LPP: variants seen among roughly 807,000 people sequenced by gnomAD.
LPP encodes LIM domain containing preferred translocation partner in lipoma.
LPP carries 38 observed loss-of-function variants against 60.4 expected under a neutral mutation model. The ratio of observed to expected loss-of-function variants is 0.63; its 90% confidence interval spans 0.49 to 0.83. LPP has a LOEUF of 0.83. LPP is among the 40% of genes least tolerant of loss of function. The probability of loss-of-function intolerance (pLI) is 0.00; values close to 1 mark genes in which losing one functional copy is unlikely to be tolerated. For missense variants in LPP, 902 were observed against 783.6 expected (o/e 1.15, Z -1.80); for synonymous variants, 328 against 290.8 (o/e 1.13, Z -1.30).
At chr3:188,544,422 T>C (rs529091546) in intron 6 of LPP, among the ~76,000 whole-genome samples, 1 of 152,338 alleles carries the variant, frequency 6.6e-6, no homozygotes, top group Non-Finnish European at 1.5e-5. Flanking sequence ...TAACTTTTCT[T>C]TATGAAAATT....
At position 188,876,653 on chromosome 3, in the gene LPP, T is replaced by G. The variant is rs1436411167; in HGVS notation, c.*2174T>G. ...CTTAGTAACTTTTTATGTAATACTT[T>G]CGGAGAAATTCTCTTTAGGACAAAG... On this transcript the variant is annotated 3_prime_UTR_variant, in exon 12 of 12. Transcript: ENST00000617246. 5.1e-6 allele frequency: 1 copy of G among 195,352 alleles called. No homozygotes were observed. The highest frequency in any genetic ancestry group is 1.1e-5 in the Non-Finnish European group (1 of 94,070). 12.1% of individuals were successfully genotyped at this position (195,352 alleles called of 1,614,324 possible). A position where few individuals can be genotyped will look rare whatever the true frequency, so the allele number is the denominator to read the frequency against.
intron 1 of LPP, among the ~76,000 whole-genome samples, chr3:188,165,878 T>G (rs1719789576): frequency 6.6e-6 from 1 of 152,164 alleles, no homozygotes; most frequent in Non-Finnish European, 1.5e-5. Flanking sequence ...GGTCCCAGCG[T>G]AACACTGAGG....
At chr3:188,776,786 T>G (rs1448845335) in intron 9 of LPP, among the ~76,000 whole-genome samples, 1 of 152,190 alleles carries the variant, frequency 6.6e-6, no homozygotes, top group Non-Finnish European at 1.5e-5. Context: ...TGGAAGAAAC[T>G]GAAGATTCTC....
chr3:188,669,891 G>A (rs1357017159), intron 7 of LPP, among the ~76,000 whole-genome samples: 1 of 152,186 alleles, frequency 6.6e-6, no homozygotes, highest in East Asian at 1.9e-4. Flanking sequence ...AAGAAAATGT[G>A]GCAAATATAC....
chr3:188,215,778 A>G (rs1476226185), intron 1 of LPP, among the ~76,000 whole-genome samples: 1 of 152,228 alleles, frequency 6.6e-6, no homozygotes, highest in African/African-American at 2.4e-5. Flanking sequence ...AGTGGAGACT[A>G]ATTTTACCTA....
At chr3:188,824,129 G>T (rs972777323) in intron 9 of LPP, among the ~76,000 whole-genome samples, 3 of 152,162 alleles carry the variant, frequency 2.0e-5, no homozygotes, top group Admixed American at 6.5e-5. Context: ...TATACTAGTA[G>T]TGTGATTTTA....
At chr3:188,517,860 A>G (rs1017925298) in intron 5 of LPP, among the ~76,000 whole-genome samples, 3 of 152,138 alleles carry the variant, frequency 2.0e-5, no homozygotes, top group Non-Finnish European at 4.4e-5. Flanking sequence ...TTGGATAGGG[A>G]CACAGAGCAA....
intron 7 of LPP, among the ~76,000 whole-genome samples, chr3:188,701,075 A>G (rs191829896): frequency 3.3e-5 from 5 of 152,362 alleles, no homozygotes; most frequent in African/African-American, 9.6e-5. Context: ...ATGGGTTTCT[A>G]TGTAAATGTA....
chr3:188,619,995 C>T (rs2151537016), intron 7 of LPP, among the ~76,000 whole-genome samples: 1 of 152,200 alleles, frequency 6.6e-6, no homozygotes, highest in Middle Eastern at 3.4e-3. Context: ...AGAAGTTTGA[C>T]CATTCTTCCA....
rs1337214093 is a variant in LPP at position 188,330,855 on chromosome 3, GTAAGTAAA to G, written c.-66-10804_-66-10797del. Among the ~76,000 whole-genome samples, 667 of 117,256 alleles carry G rather than the reference GTAAGTAAA, an allele frequency of 5.7e-3. 2 individuals carry two copies. Among genetic ancestry groups the G allele is most frequent in the Non-Finnish European group, 7.7e-3 (444 of 57,816 alleles). 76.9% of individuals were successfully genotyped at this position (117,256 alleles called of 152,430 possible). On this transcript the variant is annotated intron_variant, in intron 2 of 11. Transcript: ENST00000617246. The stretch of plus-strand genomic sequence containing the variant: ...AGTCAGTCAGTAAGTAAGTAAGTAA[GTAAGTAAA>G]TAAATAAATAAATAAATAAATAAAT...
chr3:188,490,982 C>T (rs529529822), intron 5 of LPP, among the ~76,000 whole-genome samples: 53 of 151,740 alleles, frequency 3.5e-4, no homozygotes, highest in Non-Finnish European at 6.3e-4. Context: ...AGGATGGTCT[C>T]GATCTCCTGA....
chr3:188,797,352 A>G (rs1331327857), intron 9 of LPP, among the ~76,000 whole-genome samples: 2 of 152,172 alleles, frequency 1.3e-5, no homozygotes, highest in African/African-American at 2.4e-5. Context: ...ACACAAGAGG[A>G]CTGGGATATG....
chr3:188,758,221 C>T (rs972884069), intron 8 of LPP, among the ~76,000 whole-genome samples: 3 of 152,072 alleles, frequency 2.0e-5, no homozygotes, highest in Admixed American at 1.3e-4. Flanking sequence ...AGTGCAGTGG[C>T]GCCATCTCAG....
At chr3:188,820,285 TTGTG>T (rs1220066238) in intron 9 of LPP, among the ~76,000 whole-genome samples, 1 of 151,036 alleles carries the variant, frequency 6.6e-6, no homozygotes, top group African/African-American at 2.4e-5. Context: ...GTGTGTGTGT[TTGTG>T]TGTGTATGTG....
intron 6 of LPP, among the ~76,000 whole-genome samples, chr3:188,587,502 G>T (rs938163287): frequency 1.3e-5 from 2 of 152,104 alleles, no homozygotes; most frequent in Non-Finnish European, 1.5e-5. Flanking sequence ...AATTCTATCA[G>T]CATAATGCAT....
chr3:188,815,593 GA>G (rs1465126535), intron 9 of LPP, among the ~76,000 whole-genome samples: 6 of 151,800 alleles, frequency 4.0e-5, no homozygotes, highest in Non-Finnish European at 8.8e-5. Context: ...GCTTAGGCAA[GA>G]ACTCCACAAT....
intron 1 of LPP, among the ~76,000 whole-genome samples, chr3:188,215,588 T>A (rs1301529977): frequency 6.6e-6 from 1 of 152,224 alleles, no homozygotes; most frequent in Admixed American, 6.5e-5. Flanking sequence ...GGTTCATCCA[T>A]GTTGTAGCAT....
At chr3:188,327,336 A>T (rs748055450) in intron 2 of LPP, among the ~76,000 whole-genome samples, 34 of 152,104 alleles carry the variant, frequency 2.2e-4, no homozygotes, top group Non-Finnish European at 3.2e-4. Context: ...TTGGTAAGAG[A>T]TATCTTAGTT....
chr3:188,435,644 T>C (rs1443718027), intron 4 of LPP, among the ~76,000 whole-genome samples: 1 of 152,230 alleles, frequency 6.6e-6, no homozygotes, highest in East Asian at 1.9e-4. Flanking sequence ...ATTTTACCTT[T>C]AGAAATTTAT....
Sources: gnomAD v4.1 joint callset for allele counts (sites outside exome capture counted in the v4.1 genomes callset) on GRCh38, gnomAD v4.1.1 for gene constraint, MANE v1.5 for transcripts, NCBI Gene and HGNC (gene_info 2026-07-23, HGNC 2026-07-21) for gene names.